Variants in DTX2 observed in about 807,000 individuals in gnomAD.
DTX2 encodes deltex E3 ubiquitin ligase 2.
In DTX2, 29 loss-of-function variants were observed where a neutral mutation model predicts 55.3. The ratio of observed to expected loss-of-function variants is 0.52; its 90% CI spans 0.39 to 0.71. The LOEUF (loss-of-function observed/expected upper bound fraction) is 0.71. DTX2 is among the 30% of genes least tolerant of loss of function. DTX2 has a pLI of 0.00. For missense variants in DTX2, 537 were observed against 822.5 expected (o/e 0.65, Z 4.25); for synonymous variants, 276 against 340.4 (o/e 0.81, Z 2.08).
At chr7:76,468,448 ATTTTTTTT>A (rs1202957368) in intron 2 of DTX2, among the ~76,000 whole-genome samples, 214 of 36,852 alleles carry the variant, frequency 5.8e-3, no homozygotes, top group Non-Finnish European at 7.7e-3. Context: ...GCCCACTGCC[ATTTTTTTT>A]TTTTTTTTTT....
Position 76,503,129 on chromosome 7 carries a change from T to C in DTX2, c.1390-297T>C. On this transcript the variant is annotated intron_variant, in intron 8 of 10. Coordinates refer to ENST00000430490, the MANE Select transcript of DTX2 (RefSeq NM_001102594.3). ...CCGCAGATCAGACGCTGCAAGGCTG[T>C]CTATCCGACTGCAAATGCGATTCAC... 4.2e-6 allele frequency: 2 copies of C among 470,626 alleles called. 1 individual carries two copies. Among genetic ancestry groups the C allele is most frequent in the Non-Finnish European group, 7.6e-6 (2 of 262,384 alleles). 29.2% of individuals were successfully genotyped at this position (470,626 alleles called of 1,614,324 possible).
intron 6 of DTX2, among the ~76,000 whole-genome samples, chr7:76,498,317 G>GGAGGT (rs1410585651): frequency 6.6e-6 from 1 of 150,926 alleles, no homozygotes; most frequent in Non-Finnish European, 1.5e-5. Context: ...CCACAGGCGA[G>GGAGGT]GAGGTGGGCT....
In DTX2 at chr7:76,480,557, C is replaced by A; in HGVS notation, c.48C>A (p.Pro16=). Reference sequence around the variant, plus strand: ...CCCTGGTGCAGGTGTACACCAGCCCCGCGGCTGTGGCCGTGTGGGAATGGC... The same window carrying A: ...CCCTGGTGCAGGTGTACACCAGCCCAGCGGCTGTGGCCGTGTGGGAATGGC... The part of the protein sequence containing the change: ...SPSLVQVYTS[P]AAVAVWEWQD... The change falls in exon 3 of 11, where the codon CCC becomes CCA. Residue 16 remains proline, a synonymous_variant. Transcript: ENST00000430490. The A allele has an allele frequency of 6.2e-7, 1 of 1,612,346 alleles. No homozygotes were observed. The highest frequency in any genetic ancestry group is 2.2e-5 in the East Asian group (1 of 44,874).
intron 2 of DTX2, among the ~76,000 whole-genome samples, chr7:76,467,066 A>G (rs1180212823): frequency 6.6e-5 from 10 of 151,968 alleles, no homozygotes; most frequent in African/African-American, 2.2e-4. Context: ...ATGCTTAGCT[A>G]ATTTTTAAAG....
In DTX2 at chr7:76,482,908, A is replaced by G. The variant is rs1160320976; in HGVS notation, c.669A>G (p.Ala223=). 14 of 1,613,840 alleles carry G rather than the reference A, an allele frequency of 8.7e-6. No homozygotes were observed. Among genetic ancestry groups the G allele is most frequent in the Non-Finnish European group, 1.2e-5 (14 of 1,179,770 alleles). The change falls in exon 4 of 11, where the codon GCA becomes GCG. Residue 223 remains alanine (A), a synonymous_variant. Coordinates refer to ENST00000430490, the MANE Select transcript of DTX2 (RefSeq NM_001102594.3). ...GCCACTCCATGACCAACCTCCCTGC[A>G]TACCCCGTCCCCCAGCACCCCCCAC... is the stretch of plus-strand genomic sequence containing the variant. ...RYRHSMTNLP[A]YPVPQHPPHR... is the part of the protein sequence containing the mutation.
chr7:76,472,747 G>GT (rs1308062226), intron 2 of DTX2, among the ~76,000 whole-genome samples: 1 of 150,164 alleles, frequency 6.7e-6, no homozygotes, highest in African/African-American at 2.5e-5. Flanking sequence ...AAAGAAGCAA[G>GT]TTTAAAAAAA....
At position 76,505,892 on chromosome 7, in the gene DTX2, G is replaced by C. The variant is rs774600171; in HGVS notation, c.*291G>C. 5.0e-5 allele frequency: 28 copies of C among 559,144 alleles called. No homozygotes were observed. Among genetic ancestry groups the C allele is most frequent in the Admixed American group, 2.2e-4 (7 of 31,464 alleles). The allele number at this position is 559,144 out of a possible 1,614,324, so 34.6% of individuals were successfully genotyped here. On this transcript the variant is annotated 3_prime_UTR_variant, in exon 11 of 11. Transcript: ENST00000430490. This position sits in a 1 kb window ranked among gnomAD's most constrained non-coding sequence, Gnocchi z 4.4. Reference sequence around the variant, plus strand: ...TCGGGCCCGCGGTGCTCGGGGCCTGGTGTGGGGCGAGTAGAGACTTCCCCA... The same window carrying C: ...TCGGGCCCGCGGTGCTCGGGGCCTGCTGTGGGGCGAGTAGAGACTTCCCCA...
chr7:76,477,690 C>T (rs1320235241), intron 2 of DTX2, among the ~76,000 whole-genome samples: 9 of 136,374 alleles, frequency 6.6e-5, no homozygotes, highest in East Asian at 2.2e-4. Flanking sequence ...CCCAGCTGCT[C>T]GGGAGGTGGA....
At chr7:76,468,448 A>ATT (rs1202957368) in intron 2 of DTX2, among the ~76,000 whole-genome samples, 1,579 of 35,434 alleles carry the variant, frequency 0.045, 3 homozygotes, top group African/African-American at 0.097. Flanking sequence ...GCCCACTGCC[A>ATT]TTTTTTTTTT....
intron 2 of DTX2, among the ~76,000 whole-genome samples, chr7:76,475,816 C>T (rs1473934565): frequency 1.4e-5 from 1 of 73,554 alleles, no homozygotes; most frequent in African/African-American, 5.1e-5. Flanking sequence ...GTCACCCAGG[C>T]TGGAGTGCAG....
At chr7:76,471,415 C>A (rs1168780525) in intron 2 of DTX2, among the ~76,000 whole-genome samples, 1 of 150,866 alleles carries the variant, frequency 6.6e-6, no homozygotes, top group Non-Finnish European at 1.5e-5. Context: ...CCCGCCTTGG[C>A]CTCCCAAAGT....
intron 6 of DTX2, among the ~76,000 whole-genome samples, chr7:76,497,781 C>T (rs1455296095): frequency 6.6e-6 from 1 of 150,656 alleles, no homozygotes; most frequent in Non-Finnish European, 1.5e-5. Context: ...GCGCCCGGCT[C>T]AGGATGCGGG....
chr7:76,479,715 G>A (rs1808949931), intron 2 of DTX2, among the ~76,000 whole-genome samples: 1 of 151,598 alleles, frequency 6.6e-6, no homozygotes, highest in Non-Finnish European at 1.5e-5. Context: ...TACCCGGGAG[G>A]TGGAGGTTGC....
chr7:76,499,351 T>G (rs1304893809), intron 6 of DTX2, among the ~76,000 whole-genome samples: 2 of 143,422 alleles, frequency 1.4e-5, no homozygotes, highest in Non-Finnish European at 3.0e-5. Context: ...AAACAAACCG[T>G]GCCGACTCCA....
Position 76,505,150 on chromosome 7 carries a change from G to C in DTX2, c.1642-224G>C, listed in dbSNP as rs1298317444. Among the ~76,000 whole-genome samples the C allele has an allele frequency of 6.6e-6, 1 of 152,106 alleles. No individual in the cohort carries two copies. The highest frequency in any genetic ancestry group is 6.5e-5 in the Admixed American group (1 of 15,286). ...AGGACCAAACGGATGGCAGTGCCAGGCACTGAGGCGGGGTGGGCTGGAGCC... is the reference window on the plus strand; with the variant it reads ...AGGACCAAACGGATGGCAGTGCCAGCCACTGAGGCGGGGTGGGCTGGAGCC... On this transcript the variant is annotated intron_variant, in intron 10 of 10. Transcript: ENST00000430490. The surrounding 1 kb of genome is among the most constrained non-coding windows in gnomAD (Gnocchi z 4.4).
rs377413711 is a variant in DTX2 at position 76,482,517 on chromosome 7, G to A, written c.278G>A (p.Arg93Gln). The A allele has an allele frequency of 1.1e-5, 18 of 1,593,362 alleles. No homozygotes were observed. The highest frequency in any genetic ancestry group is 2.3e-5 in the East Asian group (1 of 44,396). Residue 93 changes from arginine to glutamine, a missense_variant, in exon 4 of 11, where the codon CGG (arginine) becomes CAG (glutamine). Physicochemically the swap from Arg to Gln is conservative, Grantham distance 43. Around this residue, in one of 7 missense-constraint regions of DTX2, gnomAD observed 301 missense variants for 396.6 expected, o/e 0.76. Coordinates refer to ENST00000430490, the MANE Select transcript of DTX2 (RefSeq NM_001102594.3). ...TTTCCTTTGAAAATAGGCACCATGC[G>A]GGCTGTGCGGAGACACCTGTTCCCC... ...TQFRQDTGTM[R>Q]AVRRHLFPQH...
chr7:76,467,919 C>T (rs1486120697), intron 2 of DTX2, among the ~76,000 whole-genome samples: 3 of 152,290 alleles, frequency 2.0e-5, no homozygotes, highest in Non-Finnish European at 4.4e-5. Flanking sequence ...AACATCCTGA[C>T]CTGCCCTGGG....
chr7:76,498,750 C>T (rs1453292380), intron 6 of DTX2, among the ~76,000 whole-genome samples: 1 of 72,648 alleles, frequency 1.4e-5, no homozygotes, highest in Non-Finnish European at 2.4e-5. Flanking sequence ...TCTGGTCTGG[C>T]GTTCTCGCCA....
chr7:76,481,919 A>C (rs907314543), intron 3 of DTX2, among the ~76,000 whole-genome samples: 2 of 149,772 alleles, frequency 1.3e-5, no homozygotes, highest in African/African-American at 4.9e-5. Context: ...GCTGGTCTTC[A>C]ACTCCTGAGC....
Sources: gnomAD v4.1 joint callset for allele counts (sites outside exome capture counted in the v4.1 genomes callset) on GRCh38, gnomAD v4.1.1 for gene constraint, gnomAD v4.1.1 regional missense constraint, Gnocchi (gnomAD v3.1) non-coding constraint, MANE v1.5 for transcripts, NCBI Gene and HGNC (gene_info 2026-07-23, HGNC 2026-07-21) for gene names.